The following ATL2 variants were observed in gnomAD, a reference collection of about 807,000 sequenced individuals.
ATL2 encodes atlastin GTPase 2.
Under a neutral mutation model 73.9 loss-of-function variants are expected in ATL2, and 31 were observed. That is an observed-to-expected ratio of 0.42 (90% CI 0.32 to 0.57). The LOEUF is 0.57. Among genes scored for constraint, ATL2 ranks in the 20% least tolerant of loss-of-function variants. ATL2 has a pLI of 0.14. For synonymous variants in ATL2, 291 were observed against 237.5 expected, an observed-to-expected ratio of 1.23 and a Z score of -2.07; for missense variants, 738 against 702.6, an observed-to-expected ratio of 1.05 and a Z score of -0.57.
In ATL2 at chr2:38,343,125, G is replaced by C; in HGVS notation, c.363+143C>G. 3 of 754,934 alleles carry C rather than the reference G, an allele frequency of 4.0e-6. No homozygotes were observed. In the South Asian group the frequency reaches 7.5e-5, roughly 19 times the overall value. 46.8% of individuals were successfully genotyped at this position (754,934 alleles called of 1,614,324 possible). Reference sequence around the variant, plus strand: ...ATCACACCACTGCACTCCATCCTGGGTAACAGAGTGAGACCACTTAAATTA... The same window carrying C: ...ATCACACCACTGCACTCCATCCTGGCTAACAGAGTGAGACCACTTAAATTA... On this transcript the variant is annotated intron_variant, in intron 2 of 12. Transcript: ENST00000378954.
intron 2 of ATL2, among the ~76,000 whole-genome samples, chr2:38,325,686 ACACACAC>A (rs1489485203): frequency 1.5e-4 from 11 of 75,262 alleles, no homozygotes; most frequent in East Asian, 3.7e-4. Context: ...ACACACACAC[ACACACAC>A]ACCAGTACAC....
At chr2:38,353,900 A>G (rs912175237) in intron 1 of ATL2, among the ~76,000 whole-genome samples, 7 of 152,184 alleles carry the variant, frequency 4.6e-5, no homozygotes, top group Admixed American at 4.6e-4. Context: ...AGACAGCAAA[A>G]GCAAAAGTAT....
In ATL2 at chr2:38,314,675, G is replaced by T. The variant is rs1164815280; in HGVS notation, c.655-11C>A. The T allele has an allele frequency of 6.4e-7, 1 of 1,554,394 alleles. No individual in the cohort carries two copies. Among genetic ancestry groups the T allele is most frequent in the African/African-American group, 1.4e-5 (1 of 73,592 alleles). ...ATACTCTGTAAATAACTATTAAATAGAGTTAGTTAAAATAATGCCTCTAAA... is the reference window on the plus strand; with the variant it reads ...ATACTCTGTAAATAACTATTAAATATAGTTAGTTAAAATAATGCCTCTAAA... On this transcript the variant is annotated splice_polypyrimidine_tract_variant and intron_variant, in intron 5 of 12. Transcript: ENST00000378954.
intron 1 of ATL2, among the ~76,000 whole-genome samples, chr2:38,345,226 G>A (rs1669953578): frequency 6.6e-6 from 1 of 152,192 alleles, no homozygotes; most frequent in African/African-American, 2.4e-5. Flanking sequence ...GGTATCCACT[G>A]TTTTCAATGC....
At chr2:38,368,503 T>G (rs1363129605) in intron 1 of ATL2, among the ~76,000 whole-genome samples, 1 of 151,274 alleles carries the variant, frequency 6.6e-6, no homozygotes, top group Non-Finnish European at 1.5e-5. Flanking sequence ...CCGCCCGCCT[T>G]GGCCTCCCAA....
At chr2:38,347,247 T>A (rs1670077106) in intron 1 of ATL2, among the ~76,000 whole-genome samples, 1 of 152,214 alleles carries the variant, frequency 6.6e-6, no homozygotes, top group Admixed American at 6.5e-5. Flanking sequence ...GAGGGCCTTA[T>A]AAAGCACATG....
chr2:38,310,594 G>C, intron 7 of ATL2, 147 bp from the exon 8 acceptor site: 1 of 425,610 alleles, frequency 2.3e-6, no homozygotes, highest in Non-Finnish European at 3.9e-6. Context: ...AAAAAATTAT[G>C]AAGGCCCATT....
At chr2:38,359,945 T>A (rs1670908248) in intron 1 of ATL2, among the ~76,000 whole-genome samples, 2 of 151,862 alleles carry the variant, frequency 1.3e-5, no homozygotes, top group Non-Finnish European at 2.9e-5. Flanking sequence ...CTGGCCAATA[T>A]GGTGAAACCC....
rs1483780776 is a variant in ATL2 at position 38,310,193 on chromosome 2, T to C, written c.943+116A>G. Reference sequence around the variant, plus strand: ...AGCATTACAACCACAACATGAACAATGCATCCAAACATTCTCCAGTATAAG... The same window carrying C: ...AGCATTACAACCACAACATGAACAACGCATCCAAACATTCTCCAGTATAAG... On this transcript the variant is annotated intron_variant, in intron 8 of 12. Coordinates refer to ENST00000378954, the MANE Select transcript of ATL2 (RefSeq NM_001135673.4). 5.1e-6 allele frequency: 6 copies of C among 1,169,742 alleles called. No homozygotes were observed. In the Admixed American group the frequency reaches 7.7e-5, roughly 15 times the overall value. 72.5% of individuals were successfully genotyped at this position (1,169,742 alleles called of 1,614,324 possible).
At chr2:38,348,807 A>C (rs1246260530) in intron 1 of ATL2, among the ~76,000 whole-genome samples, 1 of 152,150 alleles carries the variant, frequency 6.6e-6, no homozygotes, top group South Asian at 2.1e-4. Flanking sequence ...ATCTACAATG[A>C]ACTCAAACAA....
chr2:38,376,994 C>G (rs922042180), intron 1 of ATL2, 149 bp downstream of exon 1: 15 of 553,324 alleles, frequency 2.7e-5, no homozygotes, highest in Middle Eastern at 5.4e-4. Context: ...GCGGCTGAGG[C>G]TAGGCCCGGC....
intron 2 of ATL2, among the ~76,000 whole-genome samples, chr2:38,333,067 A>T (rs1669094365): frequency 6.6e-6 from 1 of 152,124 alleles, no homozygotes; most frequent in Non-Finnish European, 1.5e-5. Flanking sequence ...TTCTGAACTA[A>T]AATTTATAAG....
intron 1 of ATL2, among the ~76,000 whole-genome samples, chr2:38,368,058 C>A (rs1671446410): frequency 1.3e-5 from 2 of 151,516 alleles, no homozygotes; most frequent in African/African-American, 4.9e-5. Flanking sequence ...CCTCAGGCTC[C>A]CCAACAGCTG....
intron 1 of ATL2, among the ~76,000 whole-genome samples, chr2:38,368,472 G>A (rs1431726303): frequency 1.3e-5 from 2 of 151,436 alleles, no homozygotes; most frequent in African/African-American, 2.4e-5. Flanking sequence ...GGCTGGTCTC[G>A]AACTCCCCAC....
At chr2:38,349,811 T>C (rs969810160) in intron 1 of ATL2, among the ~76,000 whole-genome samples, 8 of 152,158 alleles carry the variant, frequency 5.3e-5, no homozygotes, top group Non-Finnish European at 1.2e-4. Flanking sequence ...GCCTTTCAAA[T>C]AGACAGAATG....
intron 9 of ATL2, among the ~76,000 whole-genome samples, chr2:38,308,813 G>A (rs1410896492): frequency 1.3e-5 from 2 of 151,712 alleles, no homozygotes; most frequent in Admixed American, 1.3e-4. Context: ...GATAATATGA[G>A]AGTAACTATC....
intron 2 of ATL2, among the ~76,000 whole-genome samples, chr2:38,325,659 AGTACACACACACACACACACACAC>A (rs1668572448): frequency 1.7e-4 from 1 of 5,762 alleles, no homozygotes; most frequent in Admixed American, 1.8e-3. Context: ...CACACACACC[AGTACACACACACACACACACACAC>A]ACACACACAC....
intron 2 of ATL2, among the ~76,000 whole-genome samples, chr2:38,323,955 G>C (rs529650361): frequency 1.3e-5 from 2 of 152,290 alleles, no homozygotes; most frequent in South Asian, 2.1e-4. Flanking sequence ...TCACAACTGG[G>C]AGTAAAAGGA....
chr2:38,346,234 A>C (rs1670009166), intron 1 of ATL2, among the ~76,000 whole-genome samples: 1 of 152,194 alleles, frequency 6.6e-6, no homozygotes, highest in Non-Finnish European at 1.5e-5. Context: ...TGCACTTGTC[A>C]CTGCCACAGT....
Sources: allele counts gnomAD v4.1 joint callset (sites outside exome capture counted in the v4.1 genomes callset), GRCh38; gene constraint gnomAD v4.1.1; transcripts MANE v1.5; gene names NCBI Gene and HGNC (gene_info 2026-07-23, HGNC 2026-07-21).